The following PPARGC1A variants were observed in gnomAD, a reference collection of about 807,000 sequenced individuals.
PPARGC1A encodes the protein peroxisome proliferator-activated receptor gamma coactivator 1-alpha.
A neutral mutation model predicts 88.7 loss-of-function variants in PPARGC1A; 25 were observed. The observed-to-expected ratio is 0.28, with a 90% CI of 0.21 to 0.39. The LOEUF is 0.39. PPARGC1A is among the 10% of genes least tolerant of loss of function. The probability of loss-of-function intolerance (pLI) is 1.00; values close to 1 mark genes in which losing one functional copy is unlikely to be tolerated. For synonymous variants in PPARGC1A, 363 were observed against 355.6 expected, an observed-to-expected ratio of 1.02 and a Z score of -0.24; for missense variants, 880 against 968.7, an observed-to-expected ratio of 0.91 and a Z score of 1.22.
the PPARGC1A span, among the ~76,000 whole-genome samples, chr4:24,100,626 A>G: frequency 5.3e-5 from 8 of 152,194 alleles, no homozygotes; most frequent in Non-Finnish European, 1.2e-4. Context: ...AAAATACCAA[A>G]TGAGGAGAAA....
At chr4:24,290,134 A>T in the PPARGC1A span, among the ~76,000 whole-genome samples, 1 of 152,136 alleles carries the variant, frequency 6.6e-6, no homozygotes, top group Non-Finnish European at 1.5e-5. Context: ...CTCCCACGAC[A>T]TGTGGGAATT....
chr4:23,978,604 T>C, the PPARGC1A span, among the ~76,000 whole-genome samples: 1 of 152,178 alleles, frequency 6.6e-6, no homozygotes, highest in Non-Finnish European at 1.5e-5. Context: ...TAAACTCAAA[T>C]CAGCAGCAAA....
At chr4:23,904,058 A>G, upstream of PPARGC1A, 4 of 982,874 alleles carry the variant, frequency 4.1e-6, no homozygotes, top group Non-Finnish European at 4.8e-6. Context: ...TGCAGTGCAA[A>G]TACTGGTATC....
At chr4:24,222,092 C>T in the PPARGC1A span, among the ~76,000 whole-genome samples, 1 of 152,166 alleles carries the variant, frequency 6.6e-6, no homozygotes, top group African/African-American at 2.4e-5. Flanking sequence ...CAAAAGATAT[C>T]ATCATGATGT....
the PPARGC1A span, among the ~76,000 whole-genome samples, chr4:24,192,921 A>G: frequency 6.6e-6 from 1 of 152,242 alleles, no homozygotes; most frequent in East Asian, 1.9e-4. Context: ...AGAAAAAGAA[A>G]TCTATTATCA....
the PPARGC1A span, among the ~76,000 whole-genome samples, chr4:23,955,344 G>A: frequency 6.6e-6 from 1 of 152,132 alleles, no homozygotes; most frequent in South Asian, 2.1e-4. Context: ...TTTATGCCTT[G>A]AAAGTAGAGT....
At chr4:24,153,872 G>T in the PPARGC1A span, among the ~76,000 whole-genome samples, 1 of 151,910 alleles carries the variant, frequency 6.6e-6, no homozygotes, top group Non-Finnish European at 1.5e-5. Context: ...TACTCGACTT[G>T]CCAAACAAAA....
At chr4:24,076,365 C>T in the PPARGC1A span, among the ~76,000 whole-genome samples, 12 of 152,234 alleles carry the variant, frequency 7.9e-5, no homozygotes, top group African/African-American at 2.2e-4. Flanking sequence ...CCAGCCCACT[C>T]GAATCACAAT....
the PPARGC1A span, among the ~76,000 whole-genome samples, chr4:24,405,283 G>T: frequency 3.3e-4 from 49 of 149,920 alleles, no homozygotes; most frequent in African/African-American, 9.1e-4. Flanking sequence ...TGAAAAGGTG[G>T]TTTTTTTTTT....
the PPARGC1A span, among the ~76,000 whole-genome samples, chr4:24,007,995 G>C: frequency 1.3e-5 from 2 of 152,154 alleles, no homozygotes; most frequent in African/African-American, 4.8e-5. Flanking sequence ...GTGACATCTT[G>C]GGAGCAATAC....
the PPARGC1A span, among the ~76,000 whole-genome samples, chr4:23,987,513 T>G: frequency 1.3e-5 from 2 of 151,962 alleles, no homozygotes; most frequent in Admixed American, 6.6e-5. Context: ...TCTCCCAGCA[T>G]CCACCTAATT....
the PPARGC1A span, among the ~76,000 whole-genome samples, chr4:24,059,855 T>C: frequency 6.6e-6 from 1 of 152,208 alleles, no homozygotes; most frequent in Non-Finnish European, 1.5e-5. Flanking sequence ...TCTAGGGCAA[T>C]GTGGCCTAAA....
At chr4:24,401,656 T>C in the PPARGC1A span, among the ~76,000 whole-genome samples, 2 of 152,306 alleles carry the variant, frequency 1.3e-5, no homozygotes, top group Admixed American at 6.5e-5. Flanking sequence ...TATCCCATCC[T>C]ATTGGGGAAA....
At chr4:24,356,202 A>T in the PPARGC1A span, among the ~76,000 whole-genome samples, 1 of 138,004 alleles carries the variant, frequency 7.2e-6, no homozygotes. Flanking sequence ...GTCTCAAACA[A>T]AAAAAAAAAA....
chr4:24,256,388 G>A, the PPARGC1A span, among the ~76,000 whole-genome samples: 3 of 152,118 alleles, frequency 2.0e-5, no homozygotes, highest in Admixed American at 6.6e-5. Context: ...TTCATGCCTC[G>A]CATTCGCAGA....
the PPARGC1A span, among the ~76,000 whole-genome samples, chr4:24,160,033 C>T: frequency 1.3e-5 from 2 of 152,184 alleles, no homozygotes; most frequent in African/African-American, 2.4e-5. Context: ...ATCTACTATA[C>T]CAAGTGAGGT....
At chr4:24,442,702 C>T in the PPARGC1A span, among the ~76,000 whole-genome samples, 1 of 152,138 alleles carries the variant, frequency 6.6e-6, no homozygotes, top group Non-Finnish European at 1.5e-5. Flanking sequence ...TTTTATAAAG[C>T]TGAATATGGG....
the PPARGC1A span, among the ~76,000 whole-genome samples, chr4:24,278,558 C>CA: frequency 6.6e-6 from 1 of 151,796 alleles, no homozygotes; most frequent in South Asian, 2.1e-4. Context: ...ATTTTTTTTG[C>CA]AAAAAGTTAT....
chr4:24,390,234 A>C, the PPARGC1A span, among the ~76,000 whole-genome samples: 8 of 152,110 alleles, frequency 5.3e-5, no homozygotes, highest in African/African-American at 1.9e-4. Context: ...GGAAGTTAGC[A>C]CTTTTTTGCC....
Sources: gnomAD v4.1 joint callset for allele counts (sites outside exome capture counted in the v4.1 genomes callset) on GRCh38, gnomAD v4.1.1 for gene constraint, MANE v1.5 for transcripts, NCBI Gene and HGNC (gene_info 2026-07-23, HGNC 2026-07-21) for gene names.